Variants in DGKB observed in about 807,000 individuals in gnomAD.
The protein encoded by DGKB is diacylglycerol kinase beta, also known as 90 kDa diacylglycerol kinase.
In DGKB, 67 loss-of-function variants were observed where a neutral mutation model predicts 114.3. The ratio of observed to expected loss-of-function variants is 0.59; its 90% CI spans 0.48 to 0.72. The LOEUF (loss-of-function observed/expected upper bound fraction) is 0.72, where lower values mean the gene tolerates loss of function less well. DGKB is among the 30% of genes least tolerant of loss of function. The pLI, the probability that DGKB is intolerant of heterozygous loss-of-function variation, is 0.00. For missense variants in DGKB, 907 were observed against 975.2 expected (o/e 0.93, Z 0.93); for synonymous variants, 398 against 323.1 (o/e 1.23, Z -2.49).
intron 19 of DGKB, among the ~76,000 whole-genome samples, chr7:14,579,515 T>A (rs1799625902): frequency 6.6e-6 from 1 of 152,212 alleles, no homozygotes; most frequent in South Asian, 2.1e-4. Flanking sequence ...CATATTTTCC[T>A]TCTTTTTAAT....
chr7:14,543,061 T>A (rs1040750474), intron 20 of DGKB, among the ~76,000 whole-genome samples: 6 of 152,162 alleles, frequency 3.9e-5, no homozygotes, highest in Admixed American at 2.6e-4. Context: ...TTTCATTCTA[T>A]CTGAAAACTG....
chr7:14,870,661 GGCGTGTAC>G (rs1852322917), intron 1 of DGKB, among the ~76,000 whole-genome samples: 1 of 152,000 alleles, frequency 6.6e-6, no homozygotes, highest in Admixed American at 6.6e-5. Context: ...CGGGCATGGT[GGCGTGTAC>G]CTGTAATCTG....
chr7:14,834,919 T>C (rs150855333), intron 2 of DGKB, among the ~76,000 whole-genome samples: 3 of 152,160 alleles, frequency 2.0e-5, no homozygotes, highest in Non-Finnish European at 4.4e-5. Flanking sequence ...GTTACTTTTT[T>C]CTTTTACTAT....
At chr7:14,972,723 A>G (rs1167892788) in intron 1 of DGKB, among the ~76,000 whole-genome samples, 1 of 152,034 alleles carries the variant, frequency 6.6e-6, no homozygotes, top group Non-Finnish European at 1.5e-5. Flanking sequence ...CAAATAAAAA[A>G]TCATTCTTAG....
chr7:14,648,227 G>A (rs1434219396), intron 13 of DGKB, among the ~76,000 whole-genome samples: 2 of 152,198 alleles, frequency 1.3e-5, no homozygotes, highest in Admixed American at 6.5e-5. Context: ...AGTAACCTCT[G>A]CAGACTTAAA....
chr7:14,438,630 T>C (rs926035925), intron 21 of DGKB, among the ~76,000 whole-genome samples: 1 of 152,092 alleles, frequency 6.6e-6, no homozygotes, highest in African/African-American at 2.4e-5. Context: ...ATGAACTACA[T>C]TTATGAGTGG....
At chr7:14,904,809 T>TA (rs1430936677), upstream of DGKB, among the ~76,000 whole-genome samples, 1 of 152,186 alleles carries the variant, frequency 6.6e-6, no homozygotes, top group Non-Finnish European at 1.5e-5. Flanking sequence ...TTAATATTAT[T>TA]AACAGTCTGA....
At chr7:14,862,634 A>T (rs904351731) in intron 1 of DGKB, among the ~76,000 whole-genome samples, 1 of 152,076 alleles carries the variant, frequency 6.6e-6, no homozygotes. Flanking sequence ...ACTCTTAGCC[A>T]ATTGTAATTA....
chr7:14,937,368 A>G (rs1244168154), intron 1 of DGKB, among the ~76,000 whole-genome samples: 1 of 152,128 alleles, frequency 6.6e-6, no homozygotes, highest in Non-Finnish European at 1.5e-5. Context: ...GAATCCAGGT[A>G]CATTGCATAT....
chr7:14,691,302 C>G (rs892502049), intron 9 of DGKB, among the ~76,000 whole-genome samples: 1 of 152,138 alleles, frequency 6.6e-6, no homozygotes, highest in Non-Finnish European at 1.5e-5. Context: ...AACCTACTCC[C>G]CGAGCTCATA....
chr7:14,285,623 T>C (rs1800754024), intron 23 of DGKB, among the ~76,000 whole-genome samples: 1 of 152,210 alleles, frequency 6.6e-6, no homozygotes. Flanking sequence ...AAACTGCACC[T>C]GATAATTCAC....
intron 6 of DGKB, among the ~76,000 whole-genome samples, chr7:14,715,516 A>G (rs1386463184): frequency 6.6e-6 from 1 of 152,040 alleles, no homozygotes. Context: ...ATTCCCCACA[A>G]CCCCAACACA....
At chr7:14,758,895 A>AGAT (rs1185850830) in intron 2 of DGKB, among the ~76,000 whole-genome samples, 3 of 131,890 alleles carry the variant, frequency 2.3e-5, no homozygotes, top group African/African-American at 4.2e-5. Flanking sequence ...ATAGATAGAT[A>AGAT]GATAGATAGA....
chr7:14,937,490 C>T (rs1785336974), intron 1 of DGKB, among the ~76,000 whole-genome samples: 1 of 152,122 alleles, frequency 6.6e-6, no homozygotes, highest in African/African-American at 2.4e-5. Flanking sequence ...TATATATAGT[C>T]TGTGTGTATA....
intron 20 of DGKB, among the ~76,000 whole-genome samples, chr7:14,531,304 T>C (rs1791546887): frequency 6.6e-6 from 1 of 151,464 alleles, no homozygotes; most frequent in African/African-American, 2.4e-5. Flanking sequence ...TGTAGAATAT[T>C]CCAATTTTAG....
intron 20 of DGKB, among the ~76,000 whole-genome samples, chr7:14,499,688 A>G (rs542145899): frequency 7.6e-4 from 116 of 151,980 alleles, no homozygotes; most frequent in African/African-American, 2.6e-3. Flanking sequence ...CTGGTGGCAG[A>G]GCTATGGCTC....
At chr7:14,368,351 T>C (rs549556207) in intron 21 of DGKB, among the ~76,000 whole-genome samples, 1 of 152,308 alleles carries the variant, frequency 6.6e-6, no homozygotes, top group Admixed American at 6.5e-5. Context: ...TTCACTGCTT[T>C]AAAAATCCTC....
At chr7:14,947,301 C>T (rs187580918) in intron 1 of DGKB, among the ~76,000 whole-genome samples, 33 of 151,694 alleles carry the variant, frequency 2.2e-4, no homozygotes, top group African/African-American at 7.5e-4. Flanking sequence ...GTAAAACAAA[C>T]TTCTTTATAT....
At chr7:14,223,503 C>A (rs191289497) in intron 23 of DGKB, among the ~76,000 whole-genome samples, 1 of 151,690 alleles carries the variant, frequency 6.6e-6, no homozygotes, top group African/African-American at 2.4e-5. Context: ...AATTTTGTAT[C>A]TTTTACTGAA....
Sources: gnomAD v4.1 joint callset for allele counts (sites outside exome capture counted in the v4.1 genomes callset) on GRCh38, gnomAD v4.1.1 for gene constraint, MANE v1.5 for transcripts, NCBI Gene and HGNC (gene_info 2026-07-23, HGNC 2026-07-21) for gene names.